Variants in TES observed in about 807,000 individuals in gnomAD.
TES encodes testin.
TES carries 41 observed loss-of-function variants against 48.2 expected under a neutral mutation model. The ratio of observed to expected loss-of-function variants is 0.85; its 90% CI spans 0.66 to 1.10. TES has a LOEUF of 1.10. TES is among the 50% of genes least tolerant of loss of function. The pLI is 0.00. For synonymous variants in TES, 162 were observed against 174.9 expected (o/e 0.93, Z 0.58); for missense variants, 463 against 515.1 (o/e 0.90, Z 0.98).
chr7:116,213,495 C>A (rs1004944905), intron 1 of TES, among the ~76,000 whole-genome samples: 9 of 152,180 alleles, frequency 5.9e-5, no homozygotes, highest in African/African-American at 2.2e-4. Context: ...TTAAGGAGGA[C>A]TGTCTTTATT....
At chr7:116,256,063 A>C (rs1323463738) in intron 6 of TES, among the ~76,000 whole-genome samples, 1 of 137,246 alleles carries the variant, frequency 7.3e-6, no homozygotes, top group East Asian at 2.7e-4. Flanking sequence ...ATTCAGGAAT[A>C]GTGTGTTGAT....
chr7:116,229,383 G>A (rs1799668376), intron 1 of TES, among the ~76,000 whole-genome samples: 2 of 152,136 alleles, frequency 1.3e-5, no homozygotes, highest in African/African-American at 4.8e-5. Flanking sequence ...AGAAGGTGTG[G>A]TCTATGCTGA....
chr7:116,243,792 C>T (rs1226454238), intron 2 of TES: 1 of 152,208 alleles, frequency 6.6e-6, no homozygotes, highest in Non-Finnish European at 1.5e-5. Flanking sequence ...TTAGTCAAGA[C>T]ATACCCAAGA....
At chr7:116,245,854 G>A (rs901973803) in intron 2 of TES, among the ~76,000 whole-genome samples, 4 of 152,134 alleles carry the variant, frequency 2.6e-5, no homozygotes, top group Non-Finnish European at 4.4e-5. Flanking sequence ...ATGGTGGAAC[G>A]CAAAGCAAAC....
Position 116,250,299 on chromosome 7 carries a change from C to G in TES, c.505C>G (p.Pro169Ala), listed in dbSNP as rs753646603. The change falls in exon 4 of 7, where the codon CCC (proline) becomes GCC (alanine). Residue 169 changes from proline (P) to alanine (A), a missense_variant. Physicochemically the swap from Pro to Ala is conservative, Grantham distance 27 (BLOSUM62 -1). Transcript: ENST00000358204. The stretch of plus-strand genomic sequence containing the variant: ...CCCTTCAAAGTGCCATGAGTTGTCT[C>G]CCAGAGAGGTGAAGGAGATGGAGCA... ...QDPSKCHELSPREVKEMEQFV... is the reference protein window; with the variant it reads ...QDPSKCHELSAREVKEMEQFV... 4 of 1,613,700 alleles carry G rather than the reference C, an allele frequency of 2.5e-6. No individual in the cohort carries two copies. In the Admixed American group the frequency reaches 6.7e-5, roughly 27 times the overall value.
rs753134689 is a variant in TES at position 116,251,864 on chromosome 7, C to T, written c.807C>T (p.Ser269=). 48 of 1,614,116 alleles carry T rather than the reference C, an allele frequency of 3.0e-5. No homozygotes were observed. Among genetic ancestry groups the T allele is most frequent in the Non-Finnish European group, 3.6e-5 (43 of 1,180,018 alleles). The change falls in exon 5 of 7, where the codon AGC becomes AGT. Residue 269 remains serine, a synonymous_variant. Transcript: ENST00000358204. ...GGCACCCAGCTTGTTTTGTCTGCAG[C>T]ACCTGCCATGAACTCCTGGTTGACA... is the stretch of plus-strand genomic sequence containing the variant. ...KLWHPACFVC[S]TCHELLVDMI...
intron 4 of TES, among the ~76,000 whole-genome samples, chr7:116,250,778 G>A (rs1274563565): frequency 6.6e-6 from 1 of 152,154 alleles, no homozygotes; most frequent in East Asian, 1.9e-4. Context: ...ATCAAAGACA[G>A]CATTATTATT....
At chr7:116,253,852 G>A (rs1264282144) in intron 6 of TES, among the ~76,000 whole-genome samples, 3 of 151,960 alleles carry the variant, frequency 2.0e-5, no homozygotes, top group African/African-American at 7.3e-5. Flanking sequence ...GTGTGTGTGG[G>A]TGGGTGTGTG....
intron 1 of TES, among the ~76,000 whole-genome samples, chr7:116,228,608 T>G (rs1799654614): frequency 6.6e-6 from 1 of 152,328 alleles, no homozygotes; most frequent in South Asian, 2.1e-4. Context: ...ATTCACAGCT[T>G]AAGTCTTTTG....
Position 116,258,656 on chromosome 7 carries a change from A to G in TES, c.*1174A>G, listed in dbSNP as rs9777. On this transcript the variant is annotated 3_prime_UTR_variant, in exon 7 of 7. Transcript: ENST00000358204. ...ATATATCAAATGTCTTCACTTGTATATTTTCATGGCTAGGTATTTCTAATG... is the reference window on the plus strand; with the variant it reads ...ATATATCAAATGTCTTCACTTGTATGTTTTCATGGCTAGGTATTTCTAATG... 28,704 of 152,478 alleles carry G rather than the reference A, an allele frequency of 0.19. 2,779 individuals carry two copies. Among genetic ancestry groups the G allele is most frequent in the Middle Eastern group, 0.26 (75 of 292 alleles). 9.4% of individuals were successfully genotyped at this position (152,478 alleles called of 1,614,324 possible). A position where few individuals can be genotyped will look rare whatever the true frequency, so the allele number is the denominator to read the frequency against.
At chr7:116,243,302 T>C (rs1427147465) in intron 2 of TES, among the ~76,000 whole-genome samples, 6 of 152,194 alleles carry the variant, frequency 3.9e-5, no homozygotes, top group Non-Finnish European at 8.8e-5. Context: ...ATCGCCACTC[T>C]TATTGTTATG....
In TES at chr7:116,256,399, T is replaced by A. The variant is rs144396188; in HGVS notation, c.1078-895T>A. Among the ~76,000 whole-genome samples the A allele has an allele frequency of 6.5e-3, 983 of 152,358 alleles. 15 individuals are homozygous for A. The highest frequency in any genetic ancestry group is 0.023 in the African/African-American group (951 of 41,582). ...TGTGATACCAGACAGTCTTGCTGGC[T>A]TCTTCACTTGTTATGAAATATTTAA... is the stretch of plus-strand genomic sequence containing the variant. On this transcript the variant is annotated intron_variant, in intron 6 of 6. Coordinates refer to ENST00000358204, the MANE Select transcript of TES (RefSeq NM_015641.4).
rs143000022 is a variant in TES, at chr7:116,252,441, G to A, written c.1042G>A (p.Val348Met). Residue 348 changes from valine (V) to methionine (M), a missense_variant, in exon 6 of 7, where the codon GTG (valine) becomes ATG (methionine). Physicochemically the swap from Val to Met is conservative, Grantham distance 21 (BLOSUM62 1). Coordinates refer to ENST00000358204, the MANE Select transcript of TES (RefSeq NM_015641.4). The stretch of plus-strand genomic sequence containing the variant: ...ATACGTGATGGTCAATGACAAGCCC[G>A]TGTGCAAGCCCTGCTATGTGAAGAA... ...EIYVMVNDKP[V>M]CKPCYVKNHA... The A allele has an allele frequency of 2.6e-5, 42 of 1,614,064 alleles. No individual in the cohort carries two copies. The highest frequency in any genetic ancestry group is 1.7e-4 in the Admixed American group (10 of 60,006).
chr7:116,230,588 G>A (rs939878730), intron 1 of TES, among the ~76,000 whole-genome samples: 1 of 152,186 alleles, frequency 6.6e-6, no homozygotes, highest in Non-Finnish European at 1.5e-5. Context: ...CTGTTGCCCT[G>A]TGGCTTTCCT....
intron 1 of TES, chr7:116,217,720 G>A (rs759309330): frequency 5.9e-6 from 3 of 507,998 alleles, no homozygotes; most frequent in Non-Finnish European, 1.2e-5. Flanking sequence ...ACTGTTCTTT[G>A]AGTAAATATC....
intron 1 of TES, among the ~76,000 whole-genome samples, chr7:116,220,958 A>G (rs984825146): frequency 6.6e-6 from 1 of 152,170 alleles, no homozygotes; most frequent in Non-Finnish European, 1.5e-5. Context: ...TCTAGAGGGA[A>G]GAAAATCCTG....
intron 2 of TES, among the ~76,000 whole-genome samples, chr7:116,240,821 CTT>C (rs369390485): frequency 2.4e-4 from 36 of 152,254 alleles, no homozygotes; most frequent in Non-Finnish European, 5.0e-4. Flanking sequence ...TATATACTCT[CTT>C]AAAACTATCA....
At chr7:116,257,232 A>G in intron 6 of TES, 62 bp from the exon 7 acceptor site, 1 of 1,449,728 alleles carries the variant, frequency 6.9e-7, no homozygotes. Context: ...ATGTCCTAAG[A>G]TGAAAATGTT....
intron 1 of TES, among the ~76,000 whole-genome samples, chr7:116,225,272 G>C (rs1044423225): frequency 6.6e-6 from 1 of 151,902 alleles, no homozygotes; most frequent in East Asian, 1.9e-4. Flanking sequence ...GTTACTGTAT[G>C]TATTGAGGTA....
Sources: allele counts gnomAD v4.1 joint callset (sites outside exome capture counted in the v4.1 genomes callset), GRCh38; gene constraint gnomAD v4.1.1; transcripts MANE v1.5; gene names NCBI Gene and HGNC (gene_info 2026-07-23, HGNC 2026-07-21).